PCDHGB4: variants seen among roughly 807,000 people sequenced by gnomAD.
PCDHGB4 encodes protocadherin gamma subfamily B, 4, also known as protocadherin gamma-B4.
A neutral mutation model predicts 60.5 loss-of-function variants in PCDHGB4; 38 were observed. That is an observed-to-expected ratio of 0.63 (90% CI 0.48 to 0.82). The LOEUF is 0.82. Ranked by LOEUF, PCDHGB4 falls within the 40% of genes least tolerant of loss-of-function variation. The pLI is 0.00. For synonymous variants in PCDHGB4, 456 were observed against 509.7 expected (o/e 0.89, Z 1.42); for missense variants, 1,109 against 1,209.6 (o/e 0.92, Z 1.23).
chr5:141,492,084 G>A (rs979755390), intron 1 of PCDHGB4, among the ~76,000 whole-genome samples: 1 of 152,236 alleles, frequency 6.6e-6, no homozygotes, highest in Non-Finnish European at 1.5e-5. Flanking sequence ...GCTCCGGCAC[G>A]CTTCGCCGGT....
intron 1 of PCDHGB4, among the ~76,000 whole-genome samples, chr5:141,445,490 C>T (rs1181158971): frequency 6.6e-6 from 1 of 152,134 alleles, no homozygotes; most frequent in Non-Finnish European, 1.5e-5. Flanking sequence ...AGTTAATGGG[C>T]CCTATTCTAA....
chr5:141,424,393 A>G (rs1241872928), intron 1 of PCDHGB4: 1 of 152,120 alleles, frequency 6.6e-6, no homozygotes, highest in Non-Finnish European at 1.5e-5. Flanking sequence ...TGTCTTTTCC[A>G]TTACTATGGT....
intron 1 of PCDHGB4, chr5:141,408,105 G>T (rs566753835): frequency 2.6e-5 from 37 of 1,439,788 alleles, no homozygotes; most frequent in Non-Finnish European, 3.2e-5. Flanking sequence ...TCCGAGACCC[G>T]GGACTCCTCC....
intron 3 of PCDHGB4, among the ~76,000 whole-genome samples, chr5:141,509,437 C>T (rs923580110): frequency 2.6e-5 from 4 of 152,104 alleles, no homozygotes; most frequent in African/African-American, 9.7e-5. Context: ...ACTCTTGTTT[C>T]CTCCTCTCCC....
At chr5:141,423,659 A>G in intron 1 of PCDHGB4, 2 of 1,551,038 alleles carry the variant, frequency 1.3e-6, no homozygotes, top group Non-Finnish European at 1.7e-6. Flanking sequence ...ACAAGTAATC[A>G]GGTGAGATTT....
intron 1 of PCDHGB4, among the ~76,000 whole-genome samples, chr5:141,439,259 G>A (rs1172204848): frequency 6.6e-6 from 1 of 151,900 alleles, no homozygotes; most frequent in African/African-American, 2.4e-5. Context: ...TGAAGATTCA[G>A]CCAACAGTTC....
chr5:141,409,080 C>T (rs2095221617), intron 1 of PCDHGB4: 1 of 1,613,988 alleles, frequency 6.2e-7, no homozygotes, highest in Non-Finnish European at 8.5e-7. Context: ...CATATGTTCT[C>T]ATTGGATGAG....
chr5:141,436,859 A>G (rs550974791), intron 1 of PCDHGB4, among the ~76,000 whole-genome samples: 7 of 152,250 alleles, frequency 4.6e-5, no homozygotes, highest in Non-Finnish European at 1.0e-4. Flanking sequence ...TTGAGAAGCC[A>G]CAGTTTTAGG....
chr5:141,450,278 G>C (rs977381598), intron 1 of PCDHGB4, among the ~76,000 whole-genome samples: 1 of 152,026 alleles, frequency 6.6e-6, no homozygotes, highest in African/African-American at 2.4e-5. Flanking sequence ...TCAGCTAAGT[G>C]CTGGGATTAC....
At chr5:141,427,812 G>C (rs1380721111) in intron 1 of PCDHGB4, 1 of 1,524,406 alleles carries the variant, frequency 6.6e-7, no homozygotes, top group Non-Finnish European at 9.0e-7. Flanking sequence ...CGCACAGAGC[G>C]GGGTGGTGGT....
chr5:141,399,611 T>A, intron 1 of PCDHGB4: 2 of 1,613,930 alleles, frequency 1.2e-6, no homozygotes, highest in Non-Finnish European at 1.7e-6. Flanking sequence ...CTAGAGCCTC[T>A]GGCACTGGCC....
In PCDHGB4 at chr5:141,454,796, A is replaced by ATTTT. The variant is rs61612330; in HGVS notation, c.2398-39985_2398-39982dup. Among the ~76,000 whole-genome samples, 123 of 77,452 alleles carry ATTTT rather than the reference A, an allele frequency of 1.6e-3. 16 individuals are homozygous for ATTTT. The highest frequency in any genetic ancestry group is 7.2e-3 in the South Asian group (14 of 1,958). 50.8% of individuals were successfully genotyped at this position (77,452 alleles called of 152,430 possible). On this transcript the variant is annotated intron_variant, in intron 1 of 3. Coordinates refer to ENST00000519479, the MANE Select transcript of PCDHGB4 (RefSeq NM_003736.4). ...AAGGAAATAATCCTCCATGGTTCTAATTTTTTTTTTTTTTTTTTTTTTTTT... is the reference window on the plus strand; with the variant it reads ...AAGGAAATAATCCTCCATGGTTCTAATTTTTTTTTTTTTTTTTTTTTTTTTTTTT...
Position 141,387,791 on chromosome 5 carries a change from A to T in PCDHGB4, c.-94A>T. ...TTTTTCTTGAACTGGAACTGCAACT[A>T]AAGTCCGTTCGGAGATCCAAAAATC... On this transcript the variant is annotated 5_prime_UTR_variant, in exon 1 of 4. Coordinates refer to ENST00000519479, the MANE Select transcript of PCDHGB4 (RefSeq NM_003736.4). 6.7e-7 allele frequency: 1 copy of T among 1,492,120 alleles called. No homozygotes were observed. The highest frequency in any genetic ancestry group is 8.9e-7 in the Non-Finnish European group (1 of 1,117,698). The allele number at this position is 1,492,120 out of a possible 1,614,324, so 92.4% of individuals were successfully genotyped here.
In PCDHGB4 at chr5:141,491,841, A is replaced by T. The variant is rs995010359; in HGVS notation, c.2398-2966A>T. The T allele has an allele frequency of 1.4e-6, 2 of 1,465,172 alleles. No homozygotes were observed. The highest frequency in any genetic ancestry group is 1.4e-5 in the African/African-American group (1 of 69,948). 90.8% of individuals were successfully genotyped at this position (1,465,172 alleles called of 1,614,324 possible). ...TGCGCTCCACCCGATTCTCGGGATC[A>T]TTGGACCGTTTGCGCGAAACCAGAG... is the stretch of plus-strand genomic sequence containing the variant. On this transcript the variant is annotated intron_variant, in intron 1 of 3. Transcript: ENST00000519479. The surrounding 1 kb of genome is among the most constrained non-coding windows in gnomAD (Gnocchi z 6.9).
At chr5:141,416,011 G>A (rs2095982763) in intron 1 of PCDHGB4, 2 of 239,912 alleles carry the variant, frequency 8.3e-6, no homozygotes, top group Non-Finnish European at 7.8e-6. Flanking sequence ...GGTAAGAATA[G>A]GTAAGTATCA....
At chr5:141,508,267 C>G (rs993402135) in intron 3 of PCDHGB4, 5 of 152,336 alleles carry the variant, frequency 3.3e-5, no homozygotes, top group African/African-American at 9.6e-5. Context: ...AAGAGAAAAT[C>G]CCGGTCCTTG....
intron 1 of PCDHGB4, chr5:141,390,730 A>T (rs964390196): frequency 2.0e-5 from 4 of 195,852 alleles, no homozygotes; most frequent in Non-Finnish European, 3.1e-5. Flanking sequence ...TTTAACTGGT[A>T]TGGTCTCCAT....
At chr5:141,466,898 A>G (rs1029507733) in intron 1 of PCDHGB4, among the ~76,000 whole-genome samples, 1 of 152,170 alleles carries the variant, frequency 6.6e-6, no homozygotes, top group African/African-American at 2.4e-5. Context: ...TTTTCCATGA[A>G]GTTTTTGAAA....
chr5:141,478,428 C>T (rs2154576655), intron 1 of PCDHGB4: 1 of 1,613,746 alleles, frequency 6.2e-7, no homozygotes, highest in Non-Finnish European at 8.5e-7. Flanking sequence ...CGCAGCGACC[C>T]GCTGCTGAAG....
Sources: allele counts gnomAD v4.1 joint callset (sites outside exome capture counted in the v4.1 genomes callset), GRCh38; gene constraint gnomAD v4.1.1; non-coding constraint Gnocchi (gnomAD v3.1); transcripts MANE v1.5; gene names NCBI Gene and HGNC (gene_info 2026-07-23, HGNC 2026-07-21).